NCKAP1L: variants seen among roughly 807,000 people sequenced by gnomAD.
NCKAP1L encodes the protein NCK associated protein 1 like, also known as nck-associated protein 1-like.
Under a neutral mutation model 139.2 loss-of-function variants are expected in NCKAP1L, and 53 were observed. The observed-to-expected ratio is 0.38, with a 90% CI of 0.31 to 0.48. The LOEUF is 0.48. Ranked by LOEUF, NCKAP1L falls within the 20% of genes least tolerant of loss-of-function variation. The pLI is 0.98. For synonymous variants in NCKAP1L, 468 were observed against 499.7 expected (o/e 0.94, Z 0.85); for missense variants, 1,151 against 1,381.9 (o/e 0.83, Z 2.65).
intron 5 of NCKAP1L, among the ~76,000 whole-genome samples, chr12:54,509,154 C>A (rs1363132423): frequency 6.6e-6 from 1 of 152,074 alleles, no homozygotes; most frequent in Admixed American, 6.6e-5. Flanking sequence ...GAATTGTCTG[C>A]AGTTCTGTCC....
At chr12:54,506,654 AACTCCT>A (rs1956841023) in intron 3 of NCKAP1L, among the ~76,000 whole-genome samples, 1 of 148,592 alleles carries the variant, frequency 6.7e-6, no homozygotes, top group Non-Finnish European at 1.5e-5. Context: ...GGCTCTCTTG[AACTCCT>A]GGCCTCAAGT....
chr12:54,518,810 C>G (rs956056587), intron 14 of NCKAP1L, 78 bp downstream of exon 14: 19 of 1,520,242 alleles, frequency 1.2e-5, no homozygotes, highest in Admixed American at 3.3e-5. Context: ...ATCTTTGAGC[C>G]AGGAAGTAGG....
At chr12:54,516,556 C>G (rs1956933706) in intron 10 of NCKAP1L, among the ~76,000 whole-genome samples, 1 of 152,012 alleles carries the variant, frequency 6.6e-6, no homozygotes, top group Non-Finnish European at 1.5e-5. Flanking sequence ...AGTGATTCTC[C>G]TGCCTCAGCC....
At chr12:54,501,974 T>A (rs1001355621) in intron 3 of NCKAP1L, among the ~76,000 whole-genome samples, 3 of 152,224 alleles carry the variant, frequency 2.0e-5, no homozygotes, top group Admixed American at 6.5e-5. Flanking sequence ...TTATTTGAAT[T>A]TTTGCTAATG....
At chr12:54,506,783 A>AT (rs1252084338) in intron 3 of NCKAP1L, among the ~76,000 whole-genome samples, 1 of 62,660 alleles carries the variant, frequency 1.6e-5, no homozygotes, top group Non-Finnish European at 3.3e-5. Flanking sequence ...TTGGCAACAT[A>AT]TTAAAAAAAA....
intron 3 of NCKAP1L, among the ~76,000 whole-genome samples, chr12:54,503,605 A>G: frequency 6.7e-6 from 1 of 150,230 alleles, no homozygotes; most frequent in South Asian, 2.1e-4. Context: ...GTATACACAC[A>G]TATATATATA....
At position 54,538,937 on chromosome 12, in the gene NCKAP1L, C is replaced by G. The variant is rs554693830; in HGVS notation, c.3237C>G (p.Thr1079=). The G allele has an allele frequency of 1.5e-5, 25 of 1,614,042 alleles. No homozygotes were observed. In the South Asian group the frequency reaches 2.4e-4, roughly 16 times the overall value. The change falls in exon 30 of 31, where the codon ACC becomes ACG. Residue 1079 remains threonine (T), a synonymous_variant. Transcript: ENST00000293373. Reference sequence around the variant, plus strand: ...GCCAGGAGACTGACAAGCTTAAAACCAGAAATCGAGAATCCATTTCTCTGC... The same window carrying G: ...GCCAGGAGACTGACAAGCTTAAAACGAGAAATCGAGAATCCATTTCTCTGC... ...QLGQETDKLK[T]RNRESISLLM...
At chr12:54,516,522 T>C (rs898524279) in intron 10 of NCKAP1L, among the ~76,000 whole-genome samples, 3 of 151,774 alleles carry the variant, frequency 2.0e-5, no homozygotes, top group Admixed American at 1.3e-4. Context: ...CTCGGCTCAC[T>C]GCAACCTCCA....
chr12:54,537,102 T>C (rs766205814), intron 29 of NCKAP1L, 49 bp downstream of exon 29: 5 of 1,272,338 alleles, frequency 3.9e-6, no homozygotes, highest in Non-Finnish European at 5.7e-6. Context: ...AGGGCTGGAA[T>C]TGGTTTGACT....
intron 25 of NCKAP1L, 83 bp from the exon 26 acceptor site, chr12:54,532,087 C>CTTTTT: frequency 2.3e-6 from 2 of 878,584 alleles, no homozygotes; most frequent in Non-Finnish European, 3.3e-6. Flanking sequence ...AGTGCCCCTC[C>CTTTTT]TTTTTTTTTT....
intron 18 of NCKAP1L, 36 bp downstream of exon 18, chr12:54,521,274 G>T (rs200532190): frequency 8.6e-5 from 138 of 1,610,180 alleles, no homozygotes; most frequent in Non-Finnish European, 1.1e-4. Context: ...TCTCCCCTCT[G>T]CCAGCGCTCA....
chr12:54,533,905 C>T (rs1222241460), intron 26 of NCKAP1L, among the ~76,000 whole-genome samples: 1 of 152,154 alleles, frequency 6.6e-6, no homozygotes, highest in Non-Finnish European at 1.5e-5. Flanking sequence ...ACTTAGTTGT[C>T]CAGTATTAAA....
At chr12:54,504,388 T>C (rs1160638599) in intron 3 of NCKAP1L, among the ~76,000 whole-genome samples, 3 of 151,918 alleles carry the variant, frequency 2.0e-5, no homozygotes, top group Non-Finnish European at 4.4e-5. Context: ...TGAACGAGGG[T>C]CAGGTCAGAG....
chr12:54,506,526 A>C (rs1956839890), intron 3 of NCKAP1L, among the ~76,000 whole-genome samples: 1 of 151,366 alleles, frequency 6.6e-6, no homozygotes, highest in African/African-American at 2.4e-5. Flanking sequence ...TCCCAGGCTC[A>C]AACAATTCTC....
chr12:54,506,218 C>T (rs569602587), intron 3 of NCKAP1L, among the ~76,000 whole-genome samples: 132 of 152,152 alleles, frequency 8.7e-4, no homozygotes, highest in African/African-American at 3.1e-3. Context: ...CAGAGTTGTT[C>T]CATTTTATCT....
chr12:54,498,830 G>A, intron 1 of NCKAP1L: 3 of 985,110 alleles, frequency 3.0e-6, no homozygotes, highest in South Asian at 9.4e-5. Flanking sequence ...AAGACAAAAT[G>A]CCTAGGTTGT....
Position 54,526,734 on chromosome 12 carries a change from T to G in NCKAP1L, c.2363T>G (p.Leu788Arg). ...DSCGEQTITT[L>R]YTNWYLESLL... is the part of the protein sequence containing the mutation. ...TGTGGGGAACAGACAATCACCACAC[T>G]CTACACAAACTGGTCAGTGTTGCTT... Residue 788 changes from leucine to arginine, a missense_variant, in exon 21 of 31, where the codon CTC becomes CGC. Physicochemically the swap from Leu to Arg is moderately radical, Grantham distance 102. Coordinates refer to ENST00000293373, the MANE Select transcript of NCKAP1L (RefSeq NM_005337.5). 1 of 1,613,726 alleles carries G rather than the reference T, an allele frequency of 6.2e-7. No homozygotes were observed. The highest frequency in any genetic ancestry group is 8.5e-7 in the Non-Finnish European group (1 of 1,179,704).
intron 3 of NCKAP1L, 76 bp from the exon 4 acceptor site, chr12:54,507,777 C>G: frequency 2.9e-6 from 4 of 1,388,312 alleles, no homozygotes; most frequent in South Asian, 2.3e-5. Flanking sequence ...GGAGAGGTCC[C>G]TTTCCCTCAA....
chr12:54,524,670 C>T (rs1038141005), intron 20 of NCKAP1L, among the ~76,000 whole-genome samples: 2 of 152,148 alleles, frequency 1.3e-5, no homozygotes, highest in African/African-American at 4.8e-5. Flanking sequence ...GCTGTTTATA[C>T]AGCAATATAC....
Sources: allele counts gnomAD v4.1 joint callset (sites outside exome capture counted in the v4.1 genomes callset), GRCh38; gene constraint gnomAD v4.1.1; transcripts MANE v1.5; gene names NCBI Gene and HGNC (gene_info 2026-07-23, HGNC 2026-07-21).